The following PTPRK variants were observed in gnomAD, a reference collection of about 807,000 sequenced individuals.
The protein encoded by PTPRK is receptor-type tyrosine-protein phosphatase kappa.
A neutral mutation model predicts 178.0 loss-of-function variants in PTPRK; 75 were observed. The observed-to-expected ratio is 0.42, with a 90% CI of 0.35 to 0.51. PTPRK has a LOEUF of 0.51. PTPRK is among the 20% of genes least tolerant of loss of function. PTPRK has a pLI of 0.02. For synonymous variants in PTPRK, 637 were observed against 620.6 expected (o/e 1.03, Z -0.39); for missense variants, 1,441 against 1,797.8 (o/e 0.80, Z 3.59).
intron 5 of PTPRK, among the ~76,000 whole-genome samples, chr6:128,230,225 AT>A (rs1202380740): frequency 6.6e-6 from 1 of 152,224 alleles, no homozygotes; most frequent in Non-Finnish European, 1.5e-5. Context: ...AATCAGCAAA[AT>A]GTGGACAGGG....
At chr6:128,472,429 C>CT (rs1457571444) in intron 1 of PTPRK, among the ~76,000 whole-genome samples, 2 of 149,810 alleles carry the variant, frequency 1.3e-5, no homozygotes, top group East Asian at 4.1e-4. Context: ...CACCCCCCCC[C>CT]CCTTTAGCTT....
At chr6:128,369,476 T>C (rs1835973683) in intron 2 of PTPRK, among the ~76,000 whole-genome samples, 1 of 152,076 alleles carries the variant, frequency 6.6e-6, no homozygotes, top group Non-Finnish European at 1.5e-5. Flanking sequence ...TTCTACCTGG[T>C]AAACAAAATA....
chr6:128,226,585 G>A (rs1425861658), intron 5 of PTPRK, among the ~76,000 whole-genome samples: 2 of 151,930 alleles, frequency 1.3e-5, no homozygotes, highest in African/African-American at 4.8e-5. Flanking sequence ...TTCTACCAGT[G>A]AACAACAGCT....
intron 13 of PTPRK, among the ~76,000 whole-genome samples, chr6:128,023,414 GC>G (rs1252723087): frequency 1.1e-4 from 17 of 152,148 alleles, no homozygotes; most frequent in Middle Eastern, 3.4e-3. Context: ...GGTAGTGTCA[GC>G]CCCTCCTAAC....
At chr6:128,304,047 A>G (rs1826022972) in intron 3 of PTPRK, among the ~76,000 whole-genome samples, 1 of 152,206 alleles carries the variant, frequency 6.6e-6, no homozygotes, top group Non-Finnish European at 1.5e-5. Flanking sequence ...ATTTTGGAGC[A>G]TTAACATTAT....
intron 1 of PTPRK, among the ~76,000 whole-genome samples, chr6:128,457,452 A>G (rs924039680): frequency 2.6e-5 from 4 of 152,162 alleles, no homozygotes; most frequent in Non-Finnish European, 5.9e-5. Context: ...AGACAGACTT[A>G]GTCCATCAAC....
chr6:128,421,069 T>C (rs371304385), intron 1 of PTPRK, among the ~76,000 whole-genome samples: 10 of 152,224 alleles, frequency 6.6e-5, no homozygotes, highest in African/African-American at 2.4e-4. Context: ...ACAATCATTC[T>C]TTTCCATATT....
intron 7 of PTPRK, among the ~76,000 whole-genome samples, chr6:128,169,612 T>C (rs1228595517): frequency 6.6e-6 from 1 of 152,054 alleles, no homozygotes; most frequent in East Asian, 1.9e-4. Context: ...TCATCATACC[T>C]TGATTCTCTC....
chr6:128,317,346 C>A (rs984043451), intron 3 of PTPRK, among the ~76,000 whole-genome samples: 1 of 152,010 alleles, frequency 6.6e-6, no homozygotes, highest in African/African-American at 2.4e-5. Flanking sequence ...ACAGTAGATA[C>A]CCAATAGATC....
At chr6:128,171,780 T>C in intron 7 of PTPRK, among the ~76,000 whole-genome samples, 1 of 152,010 alleles carries the variant, frequency 6.6e-6, no homozygotes, top group East Asian at 1.9e-4. Flanking sequence ...ATGAATTTCT[T>C]CATTAGATCA....
At chr6:128,264,495 T>A (rs894576655) in intron 3 of PTPRK, among the ~76,000 whole-genome samples, 4 of 152,130 alleles carry the variant, frequency 2.6e-5, no homozygotes, top group African/African-American at 9.7e-5. Flanking sequence ...TTTTATTATT[T>A]TTTTAGAGAC....
chr6:128,396,765 C>T (rs1840359663), intron 2 of PTPRK, among the ~76,000 whole-genome samples: 3 of 152,108 alleles, frequency 2.0e-5, no homozygotes, highest in South Asian at 2.1e-4. Context: ...TTTGGGAGGC[C>T]GAGGCGGGCG....
At chr6:128,283,280 C>G (rs1821965638) in intron 3 of PTPRK, among the ~76,000 whole-genome samples, 1 of 152,124 alleles carries the variant, frequency 6.6e-6, no homozygotes, top group South Asian at 2.1e-4. Flanking sequence ...AAACAAAAAG[C>G]AGAAGCTCTG....
At chr6:128,351,982 C>T (rs749490268) in intron 2 of PTPRK, among the ~76,000 whole-genome samples, 14 of 152,140 alleles carry the variant, frequency 9.2e-5, no homozygotes, top group Admixed American at 1.3e-4. Context: ...GTAGGCCTGG[C>T]GTGGTGGCTC....
rs369227885 is a variant in PTPRK at position 128,250,357 on chromosome 6, A to G, written c.496-7755T>C. Among the ~76,000 whole-genome samples the G allele has an allele frequency of 5.9e-4, 90 of 152,316 alleles. No individual in the cohort carries two copies. In the South Asian group the frequency reaches 0.013, roughly 22 times the overall value. Reference sequence around the variant, plus strand: ...ATTACATAATTAACTCTAAGTAAACATTTGATGTTTATTTCCTCTAGTAAA... The same window carrying G: ...ATTACATAATTAACTCTAAGTAAACGTTTGATGTTTATTTCCTCTAGTAAA... On this transcript the variant is annotated intron_variant, in intron 3 of 29. Coordinates refer to ENST00000368226, the MANE Select transcript of PTPRK (RefSeq NM_002844.4).
intron 1 of PTPRK, among the ~76,000 whole-genome samples, chr6:128,408,764 C>T (rs1841981943): frequency 6.6e-6 from 1 of 152,094 alleles, no homozygotes; most frequent in Admixed American, 6.5e-5. Context: ...TAGATGAACC[C>T]AATGGCTATA....
At chr6:128,491,714 T>A in intron 1 of PTPRK, 1 of 494,206 alleles carries the variant, frequency 2.0e-6, no homozygotes, top group Non-Finnish European at 4.1e-6. Flanking sequence ...TAATCTATCA[T>A]TTTTTTTCTC....
intron 1 of PTPRK, among the ~76,000 whole-genome samples, chr6:128,408,056 T>A (rs1284295643): frequency 6.6e-6 from 1 of 152,194 alleles, no homozygotes; most frequent in Non-Finnish European, 1.5e-5. Context: ...TTACAATGTG[T>A]TTCTGACACG....
intron 1 of PTPRK, among the ~76,000 whole-genome samples, chr6:128,434,749 C>T (rs1210986912): frequency 5.3e-5 from 8 of 152,018 alleles, no homozygotes; most frequent in Non-Finnish European, 1.2e-4. Context: ...AGGAATTTAG[C>T]TGGGTACAGT....
Sources: gnomAD v4.1 joint callset for allele counts (sites outside exome capture counted in the v4.1 genomes callset) on GRCh38, gnomAD v4.1.1 for gene constraint, MANE v1.5 for transcripts, NCBI Gene and HGNC (gene_info 2026-07-23, HGNC 2026-07-21) for gene names.